The following LRRC63 variants were observed in gnomAD, a reference collection of about 807,000 sequenced individuals.
LRRC63 encodes the protein leucine-rich repeat-containing protein 63.
LRRC63 carries 40 observed loss-of-function variants against 49.5 expected under a neutral mutation model. The observed-to-expected ratio is 0.81, with a 90% CI of 0.63 to 1.05. The LOEUF is 1.05. LRRC63 is among the 50% of genes least tolerant of loss of function. LRRC63 has a pLI of 0.00. For missense variants in LRRC63, 636 were observed against 663.1 expected (o/e 0.96, Z 0.45); for synonymous variants, 191 against 221.1 (o/e 0.86, Z 1.21).
intron 9 of LRRC63, among the ~76,000 whole-genome samples, chr13:46,273,045 T>C (rs1291846135): frequency 1.3e-5 from 2 of 152,226 alleles, no homozygotes; most frequent in Non-Finnish European, 2.9e-5. Flanking sequence ...TTGGAAATTT[T>C]ACAAGGACTC....
intron 5 of LRRC63, among the ~76,000 whole-genome samples, chr13:46,242,950 C>T (rs551564605): frequency 7.9e-5 from 12 of 152,184 alleles, no homozygotes; most frequent in African/African-American, 2.6e-4. Context: ...TAAGGTGTAA[C>T]AAGAAAACAT....
chr13:46,221,810 G>A (rs1173646540), intron 2 of LRRC63, among the ~76,000 whole-genome samples: 1 of 152,144 alleles, frequency 6.6e-6, no homozygotes, highest in African/African-American at 2.4e-5. Flanking sequence ...TGACTGTGGA[G>A]GACTGCAGAT....
At chr13:46,268,649 A>G (rs753657978) in intron 9 of LRRC63, among the ~76,000 whole-genome samples, 1 of 151,714 alleles carries the variant, frequency 6.6e-6, no homozygotes, top group Admixed American at 6.6e-5. Flanking sequence ...AAGAGAAAAC[A>G]TGGTATTTTC....
At chr13:46,212,504 C>A (rs542318515) in intron 1 of LRRC63, among the ~76,000 whole-genome samples, 83 of 152,096 alleles carry the variant, frequency 5.5e-4, no homozygotes, top group Non-Finnish European at 5.4e-4. Flanking sequence ...GAAAAACAAG[C>A]CATTATAGAA....
At chr13:46,260,172 C>A (rs1202017091) in intron 7 of LRRC63, among the ~76,000 whole-genome samples, 1 of 152,110 alleles carries the variant, frequency 6.6e-6, no homozygotes, top group Non-Finnish European at 1.5e-5. Flanking sequence ...ATATGTCATC[C>A]ATAGTGAAAG....
chr13:46,263,219 CA>C (rs2047638915), intron 8 of LRRC63, among the ~76,000 whole-genome samples: 1 of 151,932 alleles, frequency 6.6e-6, no homozygotes, highest in African/African-American at 2.4e-5. Flanking sequence ...CTCTGTCGCC[CA>C]GGCTGGAGTG....
At chr13:46,249,781 T>TTA (rs1190944421) in intron 6 of LRRC63, among the ~76,000 whole-genome samples, 4 of 151,972 alleles carry the variant, frequency 2.6e-5, no homozygotes, top group Non-Finnish European at 5.9e-5. Context: ...ACCTTGTTAA[T>TTA]ATTCACCAGA....
At chr13:46,231,631 T>A (rs1039730758) in intron 4 of LRRC63, among the ~76,000 whole-genome samples, 1 of 151,970 alleles carries the variant, frequency 6.6e-6, no homozygotes. Context: ...TGCCTCAGCC[T>A]CCTGAGTAAC....
exon 10 of LRRC63, chr13:46,276,785 G>A: frequency 4.3e-6 from 5 of 1,172,766 alleles, no homozygotes; most frequent in Middle Eastern, 3.3e-4. Flanking sequence ...TAGATGTGGA[G>A]TTGTCAAAAG....
chr13:46,215,622 A>G (rs982773067), intron 2 of LRRC63, among the ~76,000 whole-genome samples: 3 of 152,142 alleles, frequency 2.0e-5, no homozygotes, highest in Non-Finnish European at 2.9e-5. Flanking sequence ...TAGTTTAACT[A>G]GATCCCATTT....
At chr13:46,240,126 CTTTTTTT>C (rs35181820) in intron 5 of LRRC63, among the ~76,000 whole-genome samples, 9 of 120,870 alleles carry the variant, frequency 7.4e-5, no homozygotes, top group Non-Finnish European at 1.5e-4. Flanking sequence ...CTCTCTTTTT[CTTTTTTT>C]TTTTTTTTTT....
intron 9 of LRRC63, chr13:46,270,054 G>T: frequency 1.8e-6 from 1 of 553,274 alleles, no homozygotes; most frequent in Non-Finnish European, 3.3e-6. Flanking sequence ...TAATTTATAG[G>T]GGTGGTGGCG....
intron 7 of LRRC63, among the ~76,000 whole-genome samples, chr13:46,257,628 C>T (rs1371906549): frequency 6.6e-6 from 1 of 151,928 alleles, no homozygotes; most frequent in Non-Finnish European, 1.5e-5. Context: ...CTAAGGTAGG[C>T]CTTATTGAGA....
rs78478006 is a variant in LRRC63, at chr13:46,213,901, A to G, written c.85+782A>G. ...CTACTGCAAATAACAAGGACCGAAT[A>G]TATTTAGTGAGCAAAAACAGACCTT... is the stretch of plus-strand genomic sequence containing the variant. On this transcript the variant is annotated intron_variant, in intron 2 of 9. Coordinates refer to ENST00000595396, the Ensembl canonical transcript of LRRC63. Among the ~76,000 whole-genome samples, 5 of 152,348 alleles carry G rather than the reference A, an allele frequency of 3.3e-5. No individual in the cohort carries two copies. The East Asian group carries it at 9.6e-4, about 29-fold the overall frequency.
intron 2 of LRRC63, among the ~76,000 whole-genome samples, chr13:46,214,579 T>TG (rs1290304866): frequency 6.6e-6 from 1 of 152,106 alleles, no homozygotes; most frequent in Non-Finnish European, 1.5e-5. Context: ...AGAGCTCTCT[T>TG]GCTCCAAAGG....
chr13:46,226,789 C>T (rs2046589781), intron 2 of LRRC63, among the ~76,000 whole-genome samples: 2 of 152,122 alleles, frequency 1.3e-5, no homozygotes, highest in African/African-American at 2.4e-5. Context: ...CTAATTTTGG[C>T]CACCCCTTGG....
At chr13:46,252,407 T>C (rs2047407122) in intron 7 of LRRC63, among the ~76,000 whole-genome samples, 2 of 152,034 alleles carry the variant, frequency 1.3e-5, no homozygotes, top group African/African-American at 4.8e-5. Flanking sequence ...GTTTGGACAT[T>C]ATTACCATCA....
At position 46,270,169 on chromosome 13, in the gene LRRC63, A is replaced by T. The variant is rs2138590973; in HGVS notation, c.1550+3197A>T. ...GGTACAAAGCAGATGTCAAAGGAAG[A>T]TCTTGTAAGGACCACTGTATACCAC... On this transcript the variant is annotated intron_variant, in intron 9 of 9. Transcript: ENST00000595396. 3 of 748,988 alleles carry T rather than the reference A, an allele frequency of 4.0e-6. No homozygotes were observed. The East Asian group carries it at 7.4e-5, about 18-fold the overall frequency. The allele number at this position is 748,988 out of a possible 1,614,324, so 46.4% of individuals were successfully genotyped here.
intron 7 of LRRC63, among the ~76,000 whole-genome samples, chr13:46,260,632 AGGATTTGG>A (rs1414801905): frequency 6.6e-6 from 1 of 152,200 alleles, no homozygotes; most frequent in Admixed American, 6.5e-5. Context: ...CCCAGTCTGA[AGGATTTGG>A]GAAGAGTTTG....
Sources: gnomAD v4.1 joint callset for allele counts (sites outside exome capture counted in the v4.1 genomes callset) on GRCh38, gnomAD v4.1.1 for gene constraint, MANE v1.5 for transcripts, NCBI Gene and HGNC (gene_info 2026-07-23, HGNC 2026-07-21) for gene names.